KCND2: variants seen among roughly 807,000 people sequenced by gnomAD.
KCND2 encodes potassium voltage-gated channel subfamily D member 2, also known as A-type voltage-gated potassium channel KCND2.
Under a neutral mutation model 54.4 loss-of-function variants are expected in KCND2, and 16 were observed. The ratio of observed to expected loss-of-function variants is 0.29; its 90% CI spans 0.20 to 0.45. The LOEUF (loss-of-function observed/expected upper bound fraction) is 0.45. Ranked by LOEUF, KCND2 falls within the 20% of genes least tolerant of loss-of-function variation. KCND2 has a pLI of 1.00. For synonymous variants in KCND2, 317 were observed against 310.7 expected (o/e 1.02, Z -0.21); for missense variants, 486 against 824.2 (o/e 0.59, Z 5.02).
At chr7:120,520,873 T>C (rs1024890031) in intron 1 of KCND2, among the ~76,000 whole-genome samples, 1 of 152,130 alleles carries the variant, frequency 6.6e-6, no homozygotes, top group African/African-American at 2.4e-5. Context: ...CTTTCTTCCA[T>C]GTAGTGATTC....
intron 1 of KCND2, among the ~76,000 whole-genome samples, chr7:120,325,804 T>C (rs898363911): frequency 1.3e-5 from 2 of 151,944 alleles, no homozygotes; most frequent in African/African-American, 2.4e-5. Context: ...ATTTTTGGAG[T>C]TTATGATCAC....
At chr7:120,568,260 C>G (rs1159814693) in intron 1 of KCND2, among the ~76,000 whole-genome samples, 1 of 151,994 alleles carries the variant, frequency 6.6e-6, no homozygotes, top group Non-Finnish European at 1.5e-5. Flanking sequence ...AGCCCTAAAG[C>G]TCCATAAGTA....
chr7:120,503,407 A>AGAGT (rs1249227002), intron 1 of KCND2, among the ~76,000 whole-genome samples: 4 of 151,774 alleles, frequency 2.6e-5, no homozygotes, highest in African/African-American at 9.7e-5. Flanking sequence ...AGAGAGAGAG[A>AGAGT]GTTGAAAGCC....
intron 1 of KCND2, among the ~76,000 whole-genome samples, chr7:120,616,964 A>G (rs1793033215): frequency 6.6e-6 from 1 of 152,164 alleles, no homozygotes; most frequent in Non-Finnish European, 1.5e-5. Flanking sequence ...AGCACAAACA[A>G]CTGATCATTG....
chr7:120,748,635 G>A lies in KCND2; in HGVS notation c.*777G>A, dbSNP rs1275229616. On this transcript the variant is annotated 3_prime_UTR_variant, in exon 6 of 6. Transcript: ENST00000331113. ...GTACAACTGTTGTATCAGGAATCAG[G>A]ATTTTTTTGTTGTTGTACTTTCCAG... 2 of 152,378 alleles carry A rather than the reference G, an allele frequency of 1.3e-5. No individual in the cohort carries two copies. Among genetic ancestry groups the A allele is most frequent in the Non-Finnish European group, 2.9e-5 (2 of 67,896 alleles). 9.4% of individuals were successfully genotyped at this position (152,378 alleles called of 1,614,324 possible). A position where few individuals can be genotyped will look rare whatever the true frequency, so the allele number is the denominator to read the frequency against.
At chr7:120,452,645 C>T (rs1487266701) in intron 1 of KCND2, among the ~76,000 whole-genome samples, 3 of 149,682 alleles carry the variant, frequency 2.0e-5, no homozygotes, top group East Asian at 1.9e-4. Flanking sequence ...CCTCTGGAAT[C>T]TGGGCAGCAA....
At chr7:120,719,024 A>G (rs948456340) in intron 1 of KCND2, among the ~76,000 whole-genome samples, 1 of 152,154 alleles carries the variant, frequency 6.6e-6, no homozygotes, top group Non-Finnish European at 1.5e-5. Context: ...TCAATTTGTG[A>G]TCAGCATCAA....
At chr7:120,737,634 AT>A (rs1792891552) in intron 2 of KCND2, among the ~76,000 whole-genome samples, 1 of 152,008 alleles carries the variant, frequency 6.6e-6, no homozygotes. Context: ...TAGCACAGCT[AT>A]TTTTCTTAGC....
intron 1 of KCND2, among the ~76,000 whole-genome samples, chr7:120,418,046 T>C (rs973762490): frequency 5.9e-5 from 9 of 152,196 alleles, no homozygotes; most frequent in African/African-American, 1.9e-4. Context: ...ATCAAGTATT[T>C]TACTTGTTTT....
chr7:120,286,568 A>C (rs938145184), intron 1 of KCND2, among the ~76,000 whole-genome samples: 1 of 152,138 alleles, frequency 6.6e-6, no homozygotes, highest in African/African-American at 2.4e-5. Flanking sequence ...CTTGCATTAG[A>C]GTAAGTCTCT....
intron 1 of KCND2, among the ~76,000 whole-genome samples, chr7:120,543,959 A>C (rs1792013235): frequency 6.6e-6 from 1 of 152,010 alleles, no homozygotes; most frequent in South Asian, 2.1e-4. Context: ...GGCCCTAACC[A>C]ACTAGTCTGG....
chr7:120,680,011 G>A (rs1173755034), intron 1 of KCND2, among the ~76,000 whole-genome samples: 1 of 152,026 alleles, frequency 6.6e-6, no homozygotes, highest in Admixed American at 6.6e-5. Flanking sequence ...ACATAGATAA[G>A]AGAATTAAAA....
chr7:120,575,472 C>G (rs1049173103), intron 1 of KCND2, among the ~76,000 whole-genome samples: 21 of 152,102 alleles, frequency 1.4e-4, no homozygotes, highest in Non-Finnish European at 2.8e-4. Context: ...ATTAGCTGTT[C>G]CCACCCAGAT....
chr7:120,629,434 C>T (rs1027718946), intron 1 of KCND2, among the ~76,000 whole-genome samples: 2 of 151,550 alleles, frequency 1.3e-5, no homozygotes, highest in South Asian at 4.2e-4. Flanking sequence ...TGCAGTGAGC[C>T]GAGATGGTGC....
At chr7:120,404,219 T>C (rs1801314927) in intron 1 of KCND2, among the ~76,000 whole-genome samples, 1 of 152,150 alleles carries the variant, frequency 6.6e-6, no homozygotes, top group Admixed American at 6.6e-5. Context: ...CTGAATTTAC[T>C]AAAAATGACA....
chr7:120,482,823 C>G (rs961482129), intron 1 of KCND2, among the ~76,000 whole-genome samples: 1 of 152,160 alleles, frequency 6.6e-6, no homozygotes, highest in African/African-American at 2.4e-5. Context: ...CAGGCTAAAA[C>G]AACACTTTAA....
intron 1 of KCND2, among the ~76,000 whole-genome samples, chr7:120,422,055 A>G (rs1301960948): frequency 6.6e-6 from 1 of 152,172 alleles, no homozygotes; most frequent in Non-Finnish European, 1.5e-5. Context: ...AGTTTATGAA[A>G]TGCTAAATAT....
chr7:120,419,110 A>T (rs931172920), intron 1 of KCND2, among the ~76,000 whole-genome samples: 5 of 152,200 alleles, frequency 3.3e-5, no homozygotes, highest in African/African-American at 9.6e-5. Context: ...CTGCATTTAT[A>T]TTTTCTTCCA....
chr7:120,390,903 AT>A (rs1233515015), intron 1 of KCND2, among the ~76,000 whole-genome samples: 1 of 151,972 alleles, frequency 6.6e-6, no homozygotes, highest in Non-Finnish European at 1.5e-5. Context: ...GCACTTTTAA[AT>A]TTTTTTAAAT....
Sources: gnomAD v4.1 joint callset for allele counts (sites outside exome capture counted in the v4.1 genomes callset) on GRCh38, gnomAD v4.1.1 for gene constraint, MANE v1.5 for transcripts, NCBI Gene and HGNC (gene_info 2026-07-23, HGNC 2026-07-21) for gene names.